The following RORA variants were observed in gnomAD, a reference collection of about 807,000 sequenced individuals.
The protein encoded by RORA is nuclear receptor ROR-alpha.
A neutral mutation model predicts 69.5 loss-of-function variants in RORA; 7 were observed. That is an observed-to-expected ratio of 0.10 (90% CI 0.06 to 0.19). The LOEUF is 0.19. Ranked by LOEUF, RORA falls within the 10% of genes least tolerant of loss-of-function variation. The pLI, the probability that RORA is intolerant of heterozygous loss-of-function variation, is 1.00. For synonymous variants in RORA, 261 were observed against 240.8 expected (o/e 1.08, Z -0.78); for missense variants, 457 against 663.0 (o/e 0.69, Z 3.41).
intron 2 of RORA, among the ~76,000 whole-genome samples, chr15:60,678,069 G>T (rs982011857): frequency 3.9e-5 from 6 of 152,168 alleles, no homozygotes; most frequent in African/African-American, 1.4e-4. Context: ...TCAAATGAAG[G>T]CAATTGATGA....
At chr15:60,914,674 A>G (rs1445541301) in intron 1 of RORA, among the ~76,000 whole-genome samples, 1 of 152,134 alleles carries the variant, frequency 6.6e-6, no homozygotes, top group Admixed American at 6.6e-5. Context: ...TAAATTTTCT[A>G]TTGAACATCT....
intron 2 of RORA, among the ~76,000 whole-genome samples, chr15:60,635,310 T>G (rs2069815555): frequency 1.3e-5 from 2 of 152,228 alleles, no homozygotes; most frequent in African/African-American, 4.8e-5. Context: ...GATGGTAGTG[T>G]ATTGCTGAAT....
At chr15:60,891,250 T>C (rs1567227504) in intron 1 of RORA, among the ~76,000 whole-genome samples, 1 of 152,360 alleles carries the variant, frequency 6.6e-6, no homozygotes, top group Non-Finnish European at 1.5e-5. Context: ...CAAAGCACCC[T>C]TGATGTAAAC....
intron 1 of RORA, among the ~76,000 whole-genome samples, chr15:60,972,288 C>T (rs559757067): frequency 3.9e-5 from 6 of 152,274 alleles, no homozygotes; most frequent in Non-Finnish European, 8.8e-5. Flanking sequence ...AATAATACCA[C>T]TGGAAGGCAA....
At chr15:61,210,218 C>T (rs891328624) in intron 1 of RORA, among the ~76,000 whole-genome samples, 6 of 152,206 alleles carry the variant, frequency 3.9e-5, no homozygotes, top group Admixed American at 3.3e-4. Context: ...TTGAAGTATA[C>T]TGATGATCTT....
intron 2 of RORA, among the ~76,000 whole-genome samples, chr15:60,566,527 T>C (rs936189885): frequency 5.3e-5 from 8 of 152,042 alleles, no homozygotes; most frequent in African/African-American, 1.9e-4. Context: ...ATATGAAAAA[T>C]AGAGCAATAA....
chr15:61,040,606 G>C (rs1349412201), intron 1 of RORA, among the ~76,000 whole-genome samples: 2 of 151,880 alleles, frequency 1.3e-5, no homozygotes, highest in Non-Finnish European at 2.9e-5. Flanking sequence ...GTGTACACTA[G>C]GTAGACCGTA....
At chr15:60,541,394 G>A (rs8026772) in intron 2 of RORA, among the ~76,000 whole-genome samples, 8 of 152,150 alleles carry the variant, frequency 5.3e-5, no homozygotes, top group Non-Finnish European at 8.8e-5. Flanking sequence ...ACCAAACAAC[G>A]TGAGGACTTG....
intron 1 of RORA, among the ~76,000 whole-genome samples, chr15:60,817,697 C>T (rs531694266): frequency 6.6e-6 from 1 of 152,366 alleles, no homozygotes; most frequent in Admixed American, 6.5e-5. Context: ...GTACACGTTA[C>T]TGCCTTCCCA....
At chr15:60,522,531 T>G (rs2066203769) in intron 3 of RORA, among the ~76,000 whole-genome samples, 1 of 152,052 alleles carries the variant, frequency 6.6e-6, no homozygotes, top group Non-Finnish European at 1.5e-5. Context: ...CCCAATACTT[T>G]GAGAGGCTGA....
intron 1 of RORA, among the ~76,000 whole-genome samples, chr15:60,844,272 T>C (rs1042296567): frequency 1.3e-5 from 2 of 152,228 alleles, no homozygotes; most frequent in African/African-American, 4.8e-5. Context: ...TTCATCTTTG[T>C]ACCCTGGGTT....
chr15:60,747,688 T>A (rs2071667742), intron 1 of RORA, among the ~76,000 whole-genome samples: 1 of 152,076 alleles, frequency 6.6e-6, no homozygotes, highest in Non-Finnish European at 1.5e-5. Context: ...ATGCACAGTA[T>A]GTGATTGCTG....
chr15:61,220,055 G>A lies in RORA; in HGVS notation c.166+8998C>T, dbSNP rs897502280. On this transcript the variant is annotated intron_variant, in intron 1 of 10. Coordinates refer to ENST00000335670, the MANE Select transcript of RORA (RefSeq NM_134261.3). Reference sequence around the variant, plus strand: ...ACAGCCTGGTCTATAGAAATTGCCCGGGTTCCCACTTTCTGCACACATGTG... The same window carrying A: ...ACAGCCTGGTCTATAGAAATTGCCCAGGTTCCCACTTTCTGCACACATGTG... 9.2e-5 allele frequency among the ~76,000 whole-genome samples: 14 copies of A among 152,278 alleles called. No individual in the cohort carries two copies. In the East Asian group the frequency reaches 1.7e-3, roughly 19 times the overall value.
intron 1 of RORA, among the ~76,000 whole-genome samples, chr15:61,183,937 A>G (rs1481214251): frequency 1.3e-5 from 2 of 152,136 alleles, no homozygotes; most frequent in Admixed American, 1.3e-4. Flanking sequence ...TGGAATGGGA[A>G]GGCAAAGTTT....
chr15:61,069,055 C>T (rs1219665823), intron 1 of RORA, among the ~76,000 whole-genome samples: 2 of 152,160 alleles, frequency 1.3e-5, no homozygotes, highest in Non-Finnish European at 2.9e-5. Context: ...CTTTTTCTCA[C>T]TGTTTCAAAG....
At chr15:60,630,514 G>C in intron 2 of RORA, 1 of 152,226 alleles carries the variant, frequency 6.6e-6, no homozygotes, top group Non-Finnish European at 1.5e-5. Flanking sequence ...TAGCAGTGGA[G>C]CTCCCCAGGC....
intron 1 of RORA, among the ~76,000 whole-genome samples, chr15:60,855,343 G>A (rs993250009): frequency 2.0e-5 from 3 of 152,158 alleles, no homozygotes. Context: ...TTGTATAGGC[G>A]CCTGCATAAC....
At chr15:60,713,672 A>G (rs1460831578) in intron 1 of RORA, among the ~76,000 whole-genome samples, 1 of 152,072 alleles carries the variant, frequency 6.6e-6, no homozygotes, top group South Asian at 2.1e-4. Context: ...TCCAGTCCCA[A>G]TTCACCCTAC....
chr15:60,956,470 CT>C (rs1566924496), intron 1 of RORA, among the ~76,000 whole-genome samples: 1 of 152,248 alleles, frequency 6.6e-6, no homozygotes, highest in East Asian at 1.9e-4. Context: ...TAAAAGAAAA[CT>C]GGTCTTTTAG....
Sources: gnomAD v4.1 joint callset for allele counts (sites outside exome capture counted in the v4.1 genomes callset) on GRCh38, gnomAD v4.1.1 for gene constraint, MANE v1.5 for transcripts, NCBI Gene and HGNC (gene_info 2026-07-23, HGNC 2026-07-21) for gene names.